The following TENM4 variants were observed in gnomAD, a reference collection of about 807,000 sequenced individuals.
The protein encoded by TENM4 is teneurin transmembrane protein 4, also known as teneurin-4.
Under a neutral mutation model 243.3 loss-of-function variants are expected in TENM4, and 82 were observed. The ratio of observed to expected loss-of-function variants is 0.34; its 90% confidence interval spans 0.28 to 0.40. The LOEUF (loss-of-function observed/expected upper bound fraction) is 0.40, where lower values mean the gene tolerates loss of function less well. Ranked by LOEUF, TENM4 falls within the 10% of genes least tolerant of loss-of-function variation. The pLI is 1.00. For missense variants in TENM4, 3,138 were observed against 3,673.3 expected, an observed-to-expected ratio of 0.85 and a Z score of 3.77; for synonymous variants, 1,412 against 1,456.3, an observed-to-expected ratio of 0.97 and a Z score of 0.69.
intron 1 of TENM4, among the ~76,000 whole-genome samples, chr11:79,403,113 G>T (rs927789148): frequency 2.0e-5 from 3 of 152,284 alleles, no homozygotes; most frequent in African/African-American, 7.2e-5. Flanking sequence ...AGTTCCACAT[G>T]ACATGCTGTC....
intron 6 of TENM4, among the ~76,000 whole-genome samples, chr11:78,965,084 T>C (rs1000984199): frequency 1.3e-5 from 2 of 152,040 alleles, no homozygotes; most frequent in Non-Finnish European, 2.9e-5. Context: ...GCCAGGCTGG[T>C]CTCGAACTCC....
intron 1 of TENM4, among the ~76,000 whole-genome samples, chr11:79,401,524 T>C (rs1042123657): frequency 1.3e-5 from 2 of 152,238 alleles, no homozygotes; most frequent in Non-Finnish European, 2.9e-5. Flanking sequence ...AAATACTTTT[T>C]GCAGGAGATT....
At chr11:79,181,580 G>T (rs1863282084) in intron 3 of TENM4, among the ~76,000 whole-genome samples, 1 of 151,908 alleles carries the variant, frequency 6.6e-6, no homozygotes, top group Admixed American at 6.6e-5. Flanking sequence ...TATTTTACTG[G>T]ATGTCCTAGC....
At chr11:78,707,134 G>A (rs921750631) in intron 27 of TENM4, among the ~76,000 whole-genome samples, 1 of 152,214 alleles carries the variant, frequency 6.6e-6, no homozygotes, top group African/African-American at 2.4e-5. Context: ...CAGTGGAAAA[G>A]GGCCTGTGTG....
intron 3 of TENM4, among the ~76,000 whole-genome samples, chr11:79,184,563 G>T (rs1034264602): frequency 1.3e-5 from 2 of 151,528 alleles, no homozygotes; most frequent in Non-Finnish European, 2.9e-5. Flanking sequence ...GGAGGTTAGG[G>T]GGGGTGGGAA....
intron 6 of TENM4, among the ~76,000 whole-genome samples, chr11:79,022,327 C>T (rs1447477491): frequency 6.6e-6 from 1 of 152,190 alleles, no homozygotes; most frequent in African/African-American, 2.4e-5. Context: ...ATCTGTTTTT[C>T]ATTCCGTGAC....
intron 4 of TENM4, among the ~76,000 whole-genome samples, chr11:79,120,088 C>G (rs1044248369): frequency 6.6e-6 from 1 of 152,176 alleles, no homozygotes; most frequent in Non-Finnish European, 1.5e-5. Flanking sequence ...CAGGCATCTT[C>G]CCAGCACAAA....
intron 1 of TENM4, among the ~76,000 whole-genome samples, chr11:79,323,986 G>A (rs956745750): frequency 6.6e-6 from 1 of 152,052 alleles, no homozygotes; most frequent in African/African-American, 2.4e-5. Flanking sequence ...ATCCTTGGGG[G>A]ATTGGTTGCA....
Position 78,669,501 on chromosome 11 carries a change from T to C in TENM4, c.6844A>G (p.Asn2282Asp). 6.2e-7 allele frequency: 1 copy of C among 1,613,970 alleles called. No individual in the cohort carries two copies. Among genetic ancestry groups the C allele is most frequent in the Non-Finnish European group, 8.5e-7 (1 of 1,179,890 alleles). ...NSAGLLIKAY[N>D]RAGSWSVRYR... is the part of the protein sequence containing the mutation. ...CTGACACTCCAGCTGCCAGCCCGGT[T>C]GTAGGCCTTGATGAGCAGGCCAGCT... Residue 2282 changes from asparagine to aspartate, a missense_variant, in exon 32 of 34, where the codon AAC (asparagine) becomes GAC (aspartate). Transcript: ENST00000278550. The surrounding 1 kb of genome is among the most constrained non-coding windows in gnomAD (Gnocchi z 6.4).
At chr11:79,072,327 C>T (rs1860435680) in intron 4 of TENM4, among the ~76,000 whole-genome samples, 2 of 151,894 alleles carry the variant, frequency 1.3e-5, no homozygotes, top group South Asian at 4.2e-4. Context: ...TACAGACAAA[C>T]AAACAAAAAT....
intron 3 of TENM4, among the ~76,000 whole-genome samples, chr11:79,204,593 A>G (rs1221366739): frequency 6.6e-5 from 10 of 152,196 alleles, no homozygotes; most frequent in Non-Finnish European, 2.9e-5. Context: ...TGATATTACC[A>G]CAATGGCAAA....
chr11:78,852,626 T>C (rs1024254921), intron 12 of TENM4, among the ~76,000 whole-genome samples: 4 of 152,122 alleles, frequency 2.6e-5, no homozygotes, highest in African/African-American at 9.7e-5. Context: ...AAGGTTGCAG[T>C]GAGCCGTGAT....
intron 3 of TENM4, among the ~76,000 whole-genome samples, chr11:79,202,436 A>T (rs1863758369): frequency 6.6e-6 from 1 of 152,334 alleles, no homozygotes; most frequent in East Asian, 1.9e-4. Context: ...TGTTGCAAAA[A>T]TGGTGGCATG....
rs1857910774 is a variant in TENM4 at position 78,656,977 on chromosome 11, T to G, written c.*1081A>C. 1 of 398,424 alleles carries G rather than the reference T, an allele frequency of 2.5e-6. No individual in the cohort carries two copies. The highest frequency in any genetic ancestry group is 2.1e-5 in the African/African-American group (1 of 48,636). 24.7% of individuals were successfully genotyped at this position (398,424 alleles called of 1,614,324 possible). A position where few individuals can be genotyped will look rare whatever the true frequency, so the allele number is the denominator to read the frequency against. ...AGGCCACCAAGCACCTCCCTCCACA[T>G]TCCTACGTCTCAGTGGTGGCGGCTG... On this transcript the variant is annotated 3_prime_UTR_variant, in exon 34 of 34. Transcript: ENST00000278550.
chr11:79,141,230 G>A (rs1862279345), intron 4 of TENM4, among the ~76,000 whole-genome samples: 1 of 151,940 alleles, frequency 6.6e-6, no homozygotes, highest in Non-Finnish European at 1.5e-5. Context: ...TTTTCTGACT[G>A]TGACTCAACA....
At chr11:78,732,172 T>C in intron 21 of TENM4, 144 bp downstream of exon 21, 1 of 1,192,690 alleles carries the variant, frequency 8.4e-7, no homozygotes, top group Non-Finnish European at 1.1e-6. Flanking sequence ...TGGGGTTTGG[T>C]GGCTGGATTT....
At position 79,046,451 on chromosome 11, in the gene TENM4, C is replaced by T. The variant is rs972346856; in HGVS notation, c.493+18287G>A. On this transcript the variant is annotated intron_variant, in intron 6 of 33. Transcript: ENST00000278550. The stretch of plus-strand genomic sequence containing the variant: ...ATCTGTTATGGGATGAACTCTCCCC[C>T]CCAAAAAAACGACAAGTTGAAGTGC... 3.3e-5 allele frequency among the ~76,000 whole-genome samples: 5 copies of T among 149,352 alleles called. No individual in the cohort carries two copies. The South Asian group carries it at 8.3e-4, about 25-fold the overall frequency.
intron 6 of TENM4, among the ~76,000 whole-genome samples, chr11:79,048,545 G>A (rs943297164): frequency 1.3e-5 from 2 of 152,050 alleles, no homozygotes; most frequent in African/African-American, 2.4e-5. Flanking sequence ...AGACCCTAAT[G>A]GCTCTGCATG....
chr11:78,803,857 T>C (rs1857334505), intron 15 of TENM4, among the ~76,000 whole-genome samples: 1 of 152,222 alleles, frequency 6.6e-6, no homozygotes, highest in Non-Finnish European at 1.5e-5. Flanking sequence ...TAAACAGAGC[T>C]ATATAAAAAG....
Sources: allele counts gnomAD v4.1 joint callset (sites outside exome capture counted in the v4.1 genomes callset), GRCh38; gene constraint gnomAD v4.1.1; non-coding constraint Gnocchi (gnomAD v3.1); transcripts MANE v1.5; gene names NCBI Gene and HGNC (gene_info 2026-07-23, HGNC 2026-07-21).